The following GPR158 variants were observed in gnomAD, a reference collection of about 807,000 sequenced individuals.
The protein encoded by GPR158 is G protein-coupled receptor 158, also known as metabotropic glycine receptor.
In GPR158, 30 loss-of-function variants were observed where a neutral mutation model predicts 78.2. The ratio of observed to expected loss-of-function variants is 0.38; its 90% CI spans 0.29 to 0.52. The LOEUF (loss-of-function observed/expected upper bound fraction) is 0.52, where lower values mean the gene tolerates loss of function less well. Ranked by LOEUF, GPR158 falls within the 20% of genes least tolerant of loss-of-function variation. The pLI is 0.83. For synonymous variants in GPR158, 581 were observed against 591.1 expected, an observed-to-expected ratio of 0.98 and a Z score of 0.25; for missense variants, 1,463 against 1,523.5, an observed-to-expected ratio of 0.96 and a Z score of 0.66.
chr10:25,522,359 T>C (rs569183583), intron 5 of GPR158, among the ~76,000 whole-genome samples: 15 of 152,178 alleles, frequency 9.9e-5, no homozygotes, highest in Non-Finnish European at 1.6e-4. Context: ...TGGACATCCA[T>C]CTGAGTCCTG....
chr10:25,370,711 C>A (rs1441467947), intron 2 of GPR158, among the ~76,000 whole-genome samples: 2 of 150,964 alleles, frequency 1.3e-5, no homozygotes, highest in Admixed American at 1.3e-4. Context: ...GAGTTCAGTT[C>A]CTGGGTATCC....
At chr10:25,561,831 C>T (rs1836864517) in intron 6 of GPR158, among the ~76,000 whole-genome samples, 2 of 152,134 alleles carry the variant, frequency 1.3e-5, no homozygotes, top group East Asian at 3.9e-4. Flanking sequence ...TACGATTACA[C>T]AATGAACTCT....
chr10:25,380,289 G>A (rs138725470), intron 2 of GPR158, among the ~76,000 whole-genome samples: 57 of 152,180 alleles, frequency 3.7e-4, no homozygotes, highest in Non-Finnish European at 6.9e-4. Context: ...TGAATTTTAC[G>A]TTGATCACTG....
chr10:25,555,400 G>A (rs1188047234), intron 6 of GPR158, among the ~76,000 whole-genome samples: 1 of 152,110 alleles, frequency 6.6e-6, no homozygotes, highest in African/African-American at 2.4e-5. Flanking sequence ...AGGCACAAAC[G>A]ATGTTTATTT....
At chr10:25,521,915 T>C (rs538144214) in intron 5 of GPR158, among the ~76,000 whole-genome samples, 1 of 152,326 alleles carries the variant, frequency 6.6e-6, no homozygotes, top group African/African-American at 2.4e-5. Flanking sequence ...AAGAAGATGA[T>C]AATTTTTCAG....
chr10:25,263,617 T>C (rs934431507), intron 2 of GPR158, among the ~76,000 whole-genome samples: 16 of 152,202 alleles, frequency 1.1e-4, no homozygotes, highest in African/African-American at 3.1e-4. Context: ...TGCCTAGAAT[T>C]GGCTGTAGGG....
chr10:25,489,966 GA>G (rs112697745), intron 5 of GPR158, among the ~76,000 whole-genome samples: 135 of 152,068 alleles, frequency 8.9e-4, no homozygotes, highest in African/African-American at 3.1e-3. Context: ...CAGACAGCAA[GA>G]AAAAAAGCAG....
At chr10:25,381,443 T>G (rs1834154424) in intron 2 of GPR158, among the ~76,000 whole-genome samples, 1 of 152,134 alleles carries the variant, frequency 6.6e-6, no homozygotes. Flanking sequence ...TTATTATGGT[T>G]TTTAATATGG....
chr10:25,366,591 A>C (rs1353728339), intron 2 of GPR158, among the ~76,000 whole-genome samples: 1 of 151,728 alleles, frequency 6.6e-6, no homozygotes, highest in African/African-American at 2.4e-5. Context: ...ATCTACTCTC[A>C]GCAATTTTCA....
chr10:25,335,278 A>G (rs969584616), intron 2 of GPR158, among the ~76,000 whole-genome samples: 1 of 152,082 alleles, frequency 6.6e-6, no homozygotes, highest in African/African-American at 2.4e-5. Flanking sequence ...CAAAGATGCA[A>G]CTGCATTCTT....
chr10:25,575,778 T>G (rs1391950586), intron 7 of GPR158, among the ~76,000 whole-genome samples: 1 of 152,160 alleles, frequency 6.6e-6, no homozygotes, highest in Non-Finnish European at 1.5e-5. Flanking sequence ...CCCTTTTCTC[T>G]TAGATGACTT....
chr10:25,474,619 G>C (rs562842861), intron 5 of GPR158, among the ~76,000 whole-genome samples: 1 of 152,116 alleles, frequency 6.6e-6, no homozygotes, highest in Admixed American at 6.5e-5. Context: ...CTGATTATTT[G>C]ATAATGTCAT....
At chr10:25,368,102 A>T (rs983424650) in intron 2 of GPR158, among the ~76,000 whole-genome samples, 1 of 151,872 alleles carries the variant, frequency 6.6e-6, no homozygotes, top group African/African-American at 2.4e-5. Flanking sequence ...CCCTAGAGGA[A>T]TTAGCCCCAC....
intron 2 of GPR158, among the ~76,000 whole-genome samples, chr10:25,354,538 T>A (rs560300515): frequency 9.2e-5 from 14 of 152,260 alleles, no homozygotes; most frequent in African/African-American, 3.4e-4. Context: ...TAGGTATTAT[T>A]GTTTTTAATA....
At chr10:25,355,545 T>C (rs1409211389) in intron 2 of GPR158, among the ~76,000 whole-genome samples, 1 of 152,098 alleles carries the variant, frequency 6.6e-6, no homozygotes, top group Non-Finnish European at 1.5e-5. Flanking sequence ...GAGGAGGTCA[T>C]GGTTCCCTGT....
intron 2 of GPR158, among the ~76,000 whole-genome samples, chr10:25,277,689 C>G (rs947124128): frequency 1.1e-4 from 16 of 152,224 alleles, no homozygotes; most frequent in African/African-American, 3.1e-4. Flanking sequence ...GAGATTATAC[C>G]TAAGGCTTGT....
chr10:25,239,607 C>CAAA (rs11394522), intron 2 of GPR158, among the ~76,000 whole-genome samples: 115 of 137,812 alleles, frequency 8.3e-4, no homozygotes, highest in African/African-American at 3.0e-3. Context: ...GACTCTGTCT[C>CAAA]AAAAAAAAAA....
intron 7 of GPR158, among the ~76,000 whole-genome samples, chr10:25,577,841 G>C (rs1264628993): frequency 6.6e-6 from 1 of 150,452 alleles, no homozygotes; most frequent in Non-Finnish European, 1.5e-5. Context: ...CAATCATTTT[G>C]TTAGTCCTGT....
intron 2 of GPR158, among the ~76,000 whole-genome samples, chr10:25,336,394 T>G (rs539765430): frequency 1.3e-5 from 2 of 152,136 alleles, no homozygotes; most frequent in Admixed American, 1.3e-4. Context: ...TTATAGCAGG[T>G]GTTTTTGGTT....
Sources: gnomAD v4.1 joint callset for allele counts (sites outside exome capture counted in the v4.1 genomes callset) on GRCh38, gnomAD v4.1.1 for gene constraint, MANE v1.5 for transcripts, NCBI Gene and HGNC (gene_info 2026-07-23, HGNC 2026-07-21) for gene names.